FCGR2A: variants seen among roughly 807,000 people sequenced by gnomAD.
The protein encoded by FCGR2A is Fc gamma receptor IIa.
A neutral mutation model predicts 29.3 loss-of-function variants in FCGR2A; 18 were observed. That is an observed-to-expected ratio of 0.62 (90% CI 0.43 to 0.91). The LOEUF (loss-of-function observed/expected upper bound fraction) is 0.91. Among genes scored for constraint, FCGR2A ranks in the 40% least tolerant of loss-of-function variants. FCGR2A has a pLI of 0.00. For synonymous variants in FCGR2A, 126 were observed against 144.8 expected (o/e 0.87, Z 0.93); for missense variants, 287 against 393.0 (o/e 0.73, Z 2.28).
At chr1:161,505,957 G>A (rs763905176) in intron 1 of FCGR2A, 30 bp from the exon 2 acceptor site, 51 of 1,613,360 alleles carry the variant, frequency 3.2e-5, no homozygotes, top group Non-Finnish European at 4.1e-5. Context: ...TCTCCTGCTC[G>A]ACGTTGATCC....
At position 161,505,964 on chromosome 1, in the gene FCGR2A, A is replaced by T. The variant is rs750286354; in HGVS notation, c.86-23A>T. ...AGCCGTGTTCTCCTGCTCGACGTTG[A>T]TCCACTCTCTTCTCTTTTACAGCTT... On this transcript the variant is annotated intron_variant, in intron 1 of 6. Coordinates refer to ENST00000271450, the MANE Select transcript of FCGR2A (RefSeq NM_001136219.3). 10 of 1,613,608 alleles carry T rather than the reference A, an allele frequency of 6.2e-6. No individual in the cohort carries two copies. The African/African-American group carries it at 1.2e-4, about 19-fold the overall frequency.
chr1:161,516,095 A>G (rs573759792), intron 6 of FCGR2A, among the ~76,000 whole-genome samples: 2 of 152,162 alleles, frequency 1.3e-5, no homozygotes, highest in East Asian at 3.9e-4. Flanking sequence ...GTTTTACCCA[A>G]ATAAGCTCAT....
At chr1:161,519,852 C>T (rs1676383086), downstream of FCGR2A, 1 of 152,134 alleles carries the variant, frequency 6.6e-6, no homozygotes. Flanking sequence ...GAAAGGCAAA[C>T]TTCAGGTGAA....
intron 5 of FCGR2A, among the ~76,000 whole-genome samples, chr1:161,512,736 A>G (rs531409971): frequency 6.6e-6 from 1 of 152,334 alleles, no homozygotes; most frequent in Non-Finnish European, 1.5e-5. Context: ...GATTTAGAGC[A>G]GAGCCAACAG....
chr1:161,509,766 A>ACG, intron 3 of FCGR2A, 54 bp from the exon 4 acceptor site: 1 of 1,606,508 alleles, frequency 6.2e-7, no homozygotes, highest in Admixed American at 1.7e-5. Flanking sequence ...TGAGACTGAA[A>ACG]AACCCTTGGA....
Position 161,506,397 on chromosome 1 carries a change from C to G in FCGR2A, c.170C>G (p.Ser57Cys). The G allele has an allele frequency of 3.7e-6, 6 of 1,614,240 alleles. No individual in the cohort carries two copies. Among genetic ancestry groups the G allele is most frequent in the Non-Finnish European group, 5.1e-6 (6 of 1,180,038 alleles). Residue 57 changes from serine to cysteine, a missense_variant, in exon 3 of 7, where the codon TCT (serine) becomes TGT (cysteine). By Grantham distance (112) the Ser-to-Cys change is moderately radical. Around this residue, in one of 3 missense-constraint regions of FCGR2A, gnomAD observed 181 missense variants for 250.9 expected, o/e 0.72. Transcript: ENST00000271450. Reference sequence around the variant, plus strand: ...TGGATCAACGTGCTCCAGGAGGACTCTGTGACTCTGACATGCCAGGGGGCT... The same window carrying G: ...TGGATCAACGTGCTCCAGGAGGACTGTGTGACTCTGACATGCCAGGGGGCT... ...PPWINVLQED[S>C]VTLTCQGARS...
At position 161,518,156 on chromosome 1, in the gene FCGR2A, C is replaced by G; in HGVS notation, c.*8C>G. On this transcript the variant is annotated 3_prime_UTR_variant, in exon 7 of 7. Coordinates refer to ENST00000271450, the MANE Select transcript of FCGR2A (RefSeq NM_001136219.3). ...GTCAACAGTAATAACTAAAGAGTAA[C>G]GTTATGCCATGTGGTCATACTCTCA... 1 of 1,612,560 alleles carries G rather than the reference C, an allele frequency of 6.2e-7. No individual in the cohort carries two copies. The highest frequency in any genetic ancestry group is 1.3e-5 in the African/African-American group (1 of 74,874).
At chr1:161,521,106 T>C (rs511278), downstream of FCGR2A, among the ~76,000 whole-genome samples, 117,429 of 145,862 alleles carry the variant, frequency 0.81, 47,562 homozygotes, top group East Asian at 0.92. Flanking sequence ...CGGTATAACC[T>C]GTCGCCCTCC....
chr1:161,514,334 A>C (rs438228), intron 6 of FCGR2A, among the ~76,000 whole-genome samples: 61,620 of 142,566 alleles, frequency 0.43, 14,680 homozygotes, highest in African/African-American at 0.53. Flanking sequence ...CACATTTTCC[A>C]AATTAATACT....
chr1:161,523,847 T>G (rs1396603565), downstream of FCGR2A: 4 of 152,048 alleles, frequency 2.6e-5, no homozygotes, highest in East Asian at 1.9e-4. Flanking sequence ...AAAATGAAAG[T>G]GCATTGGCCG....
At position 161,510,881 on chromosome 1, in the gene FCGR2A, G is replaced by T; in HGVS notation, c.667G>T (p.Val223Phe). ...ACCAATGGGGATCATTGTGGCTGTG[G>T]TCATTGCGACTGCTGTAGCAGCCAT... ...SSPMGIIVAV[V>F]IATAVAAIVA... Residue 223 changes from valine to phenylalanine, a missense_variant, in exon 5 of 7, where the codon GTC (valine) becomes TTC (phenylalanine). Transcript: ENST00000271450. 3 of 1,614,206 alleles carry T rather than the reference G, an allele frequency of 1.9e-6. No individual in the cohort carries two copies. The highest frequency in any genetic ancestry group is 3.3e-5 in the Admixed American group (2 of 60,030).
downstream of FCGR2A, among the ~76,000 whole-genome samples, chr1:161,520,957 G>T (rs2102496058): frequency 6.6e-6 from 1 of 151,364 alleles, no homozygotes; most frequent in Non-Finnish European, 1.5e-5. Flanking sequence ...CCTTGAACGT[G>T]CCAATTATAC....
At chr1:161,520,786 A>G (rs1213718602), downstream of FCGR2A, among the ~76,000 whole-genome samples, 1 of 152,014 alleles carries the variant, frequency 6.6e-6, no homozygotes, top group African/African-American at 2.4e-5. Context: ...CATATTTGTC[A>G]CTTCTTTTCC....
chr1:161,512,982 G>A (rs1675905239), intron 5 of FCGR2A, among the ~76,000 whole-genome samples: 2 of 152,148 alleles, frequency 1.3e-5, no homozygotes, highest in Admixed American at 1.3e-4. Flanking sequence ...CTGCATAAAT[G>A]GTTTTTTAAA....
At chr1:161,508,613 CTG>C (rs954650671) in intron 3 of FCGR2A, among the ~76,000 whole-genome samples, 24 of 150,556 alleles carry the variant, frequency 1.6e-4, no homozygotes, top group Admixed American at 6.6e-4. Flanking sequence ...AAAAAGAAAA[CTG>C]TTTTTTTAAA....
chr1:161,513,789 C>A (rs383958), intron 5 of FCGR2A, 106 bp from the exon 6 acceptor site: 20 of 1,385,216 alleles, frequency 1.4e-5, no homozygotes, highest in South Asian at 2.4e-5. Context: ...AAGGGGTCAG[C>A]AGTCCTTGCT....
intron 6 of FCGR2A, among the ~76,000 whole-genome samples, chr1:161,514,385 G>T (rs6427596): frequency 0.73 from 104,339 of 142,226 alleles, 39,064 homozygotes; most frequent in East Asian, 0.89. Context: ...GACCTCTTTT[G>T]GTTTGGTGTC....
intron 6 of FCGR2A, among the ~76,000 whole-genome samples, chr1:161,515,392 A>T (rs1435233217): frequency 6.6e-6 from 1 of 152,196 alleles, no homozygotes; most frequent in East Asian, 1.9e-4. Context: ...CACATGAACT[A>T]TTATAAAAGC....
downstream of FCGR2A, among the ~76,000 whole-genome samples, chr1:161,520,506 CTT>C (rs1198039881): frequency 2.0e-5 from 3 of 151,988 alleles, no homozygotes; most frequent in Non-Finnish European, 4.4e-5. Flanking sequence ...CAAGACGAGA[CTT>C]TGGGTGGAGA....
Sources: gnomAD v4.1 joint callset for allele counts (sites outside exome capture counted in the v4.1 genomes callset) on GRCh38, gnomAD v4.1.1 for gene constraint, gnomAD v4.1.1 regional missense constraint, MANE v1.5 for transcripts, NCBI Gene and HGNC (gene_info 2026-07-23, HGNC 2026-07-21) for gene names.